Variants in CEP85L observed in about 807,000 individuals in gnomAD.
The protein encoded by CEP85L is centrosomal protein of 85 kDa-like.
In CEP85L, 60 loss-of-function variants were observed where a neutral mutation model predicts 100.3. That is an observed-to-expected ratio of 0.60 (90% CI 0.49 to 0.74). CEP85L has a LOEUF of 0.74. CEP85L is among the 30% of genes least tolerant of loss of function. The pLI is 0.00. For missense variants in CEP85L, 973 were observed against 936.2 expected (o/e 1.04, Z -0.51); for synonymous variants, 319 against 322.7 (o/e 0.99, Z 0.12).
chr6:118,706,099 C>T (rs1777585854), intron 1 of CEP85L, among the ~76,000 whole-genome samples: 1 of 152,174 alleles, frequency 6.6e-6, no homozygotes, highest in Non-Finnish European at 1.5e-5. Context: ...GCTCTGTGCT[C>T]TCTGTCAGGG....
chr6:118,677,594 G>A (rs571029761), intron 1 of CEP85L, among the ~76,000 whole-genome samples: 59 of 152,200 alleles, frequency 3.9e-4, no homozygotes, highest in African/African-American at 1.3e-3. Flanking sequence ...GTTTTCCACT[G>A]TCTACCAAGT....
chr6:118,679,504 A>G (rs962728170), intron 1 of CEP85L, among the ~76,000 whole-genome samples: 1 of 152,236 alleles, frequency 6.6e-6, no homozygotes, highest in Non-Finnish European at 1.5e-5. Context: ...TTTTTTCCAC[A>G]TGCAAATTGA....
At chr6:118,475,940 A>G (rs774560795) in intron 10 of CEP85L, among the ~76,000 whole-genome samples, 2 of 152,190 alleles carry the variant, frequency 1.3e-5, no homozygotes, top group South Asian at 2.1e-4. Flanking sequence ...GAGGAACTTA[A>G]TAATACATAA....
intron 5 of CEP85L, among the ~76,000 whole-genome samples, chr6:118,499,796 A>G (rs1775157553): frequency 6.6e-6 from 1 of 152,214 alleles, no homozygotes; most frequent in Admixed American, 6.5e-5. Context: ...GTGGTGAGAA[A>G]CTTGAAGCTT....
chr6:118,540,672 G>A (rs990383712), intron 3 of CEP85L, among the ~76,000 whole-genome samples: 1 of 151,914 alleles, frequency 6.6e-6, no homozygotes, highest in Non-Finnish European at 1.5e-5. Flanking sequence ...CAGGAGAATC[G>A]CTTGAACCTG....
At chr6:118,507,972 T>C (rs1456693481) in intron 5 of CEP85L, among the ~76,000 whole-genome samples, 1 of 152,240 alleles carries the variant, frequency 6.6e-6, no homozygotes, top group Admixed American at 6.5e-5. Context: ...TTCATTCACA[T>C]TTCTATTGCT....
intron 1 of CEP85L, among the ~76,000 whole-genome samples, chr6:118,675,503 A>T (rs1180787569): frequency 3.3e-5 from 5 of 152,106 alleles, no homozygotes. Context: ...ATGGTATCTT[A>T]AAAAACTATC....
intron 10 of CEP85L, among the ~76,000 whole-genome samples, chr6:118,475,347 A>ATATCTTTTTTTT (rs1470175603): frequency 2.5e-5 from 2 of 79,038 alleles, no homozygotes; most frequent in African/African-American, 5.1e-5. Context: ...TGTAGGTGAC[A>ATATCTTTTTTTT]TTTTTTTTTT....
At chr6:118,583,373 G>T (rs1256352684) in intron 2 of CEP85L, among the ~76,000 whole-genome samples, 2 of 152,156 alleles carry the variant, frequency 1.3e-5, no homozygotes, top group Non-Finnish European at 1.5e-5. Context: ...CATAAGGGGT[G>T]TATCACGAAA....
upstream of CEP85L, among the ~76,000 whole-genome samples, chr6:118,656,568 T>C (rs1775796976): frequency 6.6e-6 from 1 of 152,218 alleles, no homozygotes; most frequent in Non-Finnish European, 1.5e-5. Context: ...AGGAATGTAG[T>C]TGGCTGACAG....
intron 2 of CEP85L, among the ~76,000 whole-genome samples, chr6:118,588,822 G>A (rs965836199): frequency 8.5e-5 from 13 of 152,078 alleles, no homozygotes; most frequent in African/African-American, 2.4e-4. Flanking sequence ...CCATTCTTCC[G>A]AGGATCCTTG....
intron 2 of CEP85L, among the ~76,000 whole-genome samples, chr6:118,601,978 T>G (rs2115180314): frequency 6.6e-6 from 1 of 152,300 alleles, no homozygotes; most frequent in East Asian, 1.9e-4. Flanking sequence ...TGCAGCCCAG[T>G]AGGTTTCAGC....
intron 3 of CEP85L, chr6:118,537,870 A>T (rs1336750387): frequency 1.0e-6 from 1 of 985,198 alleles, no homozygotes; most frequent in Non-Finnish European, 1.2e-6. Flanking sequence ...TAACACAGTA[A>T]ATCTTCCTCT....
At chr6:118,562,192 A>C (rs1779263022) in intron 3 of CEP85L, among the ~76,000 whole-genome samples, 1 of 152,214 alleles carries the variant, frequency 6.6e-6, no homozygotes, top group Admixed American at 6.5e-5. Context: ...CAAACAGTTA[A>C]AAAATTAAAG....
At chr6:118,485,126 A>G (rs1774083701) in intron 6 of CEP85L, among the ~76,000 whole-genome samples, 1 of 152,198 alleles carries the variant, frequency 6.6e-6, no homozygotes, top group Non-Finnish European at 1.5e-5. Flanking sequence ...TACATGAAAT[A>G]TATCATCTAT....
chr6:118,648,899 A>G (rs1775374311), intron 1 of CEP85L, among the ~76,000 whole-genome samples: 1 of 152,226 alleles, frequency 6.6e-6, no homozygotes, highest in African/African-American at 2.4e-5. Context: ...TTATTTACTT[A>G]TCCCTGCCTT....
chr6:118,465,426 T>C lies in CEP85L; in HGVS notation c.2397A>G (p.Gly799=). The change falls in exon 13 of 13, where the codon GGA becomes GGG. Residue 799 remains glycine (G), a synonymous_variant. Transcript: ENST00000368491. ...TTGATCACTGAGTAATGCAGTTGTC[T>C]CCCATGTCCTGAGCATAGCGGTCTG... is the stretch of plus-strand genomic sequence containing the variant. ...TISDRYAQDM[G]DNCITQ is the part of the protein sequence containing the mutation. 1 of 1,613,136 alleles carries C rather than the reference T, an allele frequency of 6.2e-7. No individual in the cohort carries two copies. Among genetic ancestry groups the C allele is most frequent in the Non-Finnish European group, 8.5e-7 (1 of 1,179,398 alleles).
rs556338319 is a variant in CEP85L at position 118,705,633 on chromosome 6, A to G, written c.-28+4403T>C. ...AATGAAGGATAAAACAATACAAGAAATCATTATGTGGTTTTCCAAATCTCA... is the reference window on the plus strand; with the variant it reads ...AATGAAGGATAAAACAATACAAGAAGTCATTATGTGGTTTTCCAAATCTCA... On this transcript the variant is annotated intron_variant, in intron 1 of 13. Coordinates refer to the CEP85L transcript ENST00000368488. Among the ~76,000 whole-genome samples, 22 of 152,328 alleles carry G rather than the reference A, an allele frequency of 1.4e-4. No homozygotes were observed. The East Asian group carries it at 3.3e-3, about 23-fold the overall frequency.
In CEP85L at chr6:118,632,416, A is replaced by G. The variant is rs764712506; in HGVS notation, c.232+37T>C. ...AATTCTTGTACCACAACCACTCTTC[A>G]AAGATTCATATATAAACAATAAGAA... On this transcript the variant is annotated intron_variant, in intron 2 of 12. Transcript: ENST00000368491. 6 of 1,517,368 alleles carry G rather than the reference A, an allele frequency of 4.0e-6. No individual in the cohort carries two copies. In the East Asian group the frequency reaches 1.4e-4, roughly 35 times the overall value. 94.0% of individuals were successfully genotyped at this position (1,517,368 alleles called of 1,614,324 possible). A position where few individuals can be genotyped will look rare whatever the true frequency, so the allele number is the denominator to read the frequency against.
Sources: allele counts gnomAD v4.1 joint callset (sites outside exome capture counted in the v4.1 genomes callset), GRCh38; gene constraint gnomAD v4.1.1; transcripts MANE v1.5; gene names NCBI Gene and HGNC (gene_info 2026-07-23, HGNC 2026-07-21).